RMND5B: variants seen among roughly 807,000 people sequenced by gnomAD.
RMND5B encodes required for meiotic nuclear division 5 homolog B.
In RMND5B, 42 loss-of-function variants were observed where a neutral mutation model predicts 50.4. The ratio of observed to expected loss-of-function variants is 0.83; its 90% CI spans 0.65 to 1.08. The LOEUF (loss-of-function observed/expected upper bound fraction) is 1.08. RMND5B is among the 50% of genes least tolerant of loss of function. The pLI, the probability that RMND5B is intolerant of heterozygous loss-of-function variation, is 0.00. For missense variants in RMND5B, 463 were observed against 508.5 expected (o/e 0.91, Z 0.86); for synonymous variants, 220 against 210.0 (o/e 1.05, Z -0.41).
In RMND5B at chr5:178,143,817, A is replaced by C. The variant is rs999489123; in HGVS notation, c.527+90A>C. On this transcript the variant is annotated intron_variant, in intron 6 of 10. Coordinates refer to ENST00000313386, the MANE Select transcript of RMND5B (RefSeq NM_022762.5). Reference sequence around the variant, plus strand: ...TGTGGTCTTCATTTCACCCAGATGTACTTGACTTGCCTGCAGCCCTGTCTC... The same window carrying C: ...TGTGGTCTTCATTTCACCCAGATGTCCTTGACTTGCCTGCAGCCCTGTCTC... 5.5e-6 allele frequency: 8 copies of C among 1,453,566 alleles called. No individual in the cohort carries two copies. The African/African-American group carries it at 1.1e-4, about 20-fold the overall frequency. The allele number at this position is 1,453,566 out of a possible 1,614,324, so 90.0% of individuals were successfully genotyped here. A position where few individuals can be genotyped will look rare whatever the true frequency, so the allele number is the denominator to read the frequency against.
chr5:178,144,697 T>C (rs189875416), intron 7 of RMND5B, among the ~76,000 whole-genome samples: 3,026 of 136,016 alleles, frequency 0.022, 35 homozygotes, highest in Middle Eastern at 0.071. Context: ...CCAGCCTGGG[T>C]GACAGAGTGA....
At chr5:178,134,825 A>C (rs564829541) in intron 2 of RMND5B, among the ~76,000 whole-genome samples, 1 of 151,970 alleles carries the variant, frequency 6.6e-6, no homozygotes, top group African/African-American at 2.4e-5. Context: ...AAATGAAAAA[A>C]AAAAAAAGCC....
At chr5:178,133,860 C>T (rs942490595) in intron 2 of RMND5B, among the ~76,000 whole-genome samples, 4 of 152,110 alleles carry the variant, frequency 2.6e-5, no homozygotes, top group Non-Finnish European at 4.4e-5. Flanking sequence ...TACGGGTGCC[C>T]GCCACCACAC....
At chr5:178,147,238 C>G (rs1354749499) in intron 8 of RMND5B, 1 of 433,454 alleles carries the variant, frequency 2.3e-6, no homozygotes, top group Non-Finnish European at 4.2e-6. Flanking sequence ...GTTCCCTAGT[C>G]ACACCAAGGA....
At chr5:178,133,286 C>T (rs896897342) in intron 2 of RMND5B, among the ~76,000 whole-genome samples, 7 of 152,138 alleles carry the variant, frequency 4.6e-5, no homozygotes, top group Non-Finnish European at 8.8e-5. Flanking sequence ...CCATACATGC[C>T]TTTGTGGAGA....
At chr5:178,134,402 C>G (rs1433211094) in intron 2 of RMND5B, among the ~76,000 whole-genome samples, 1 of 152,170 alleles carries the variant, frequency 6.6e-6, no homozygotes, top group East Asian at 1.9e-4. Flanking sequence ...CAAAAGGTAA[C>G]AGGATCTGCT....
Position 178,147,519 on chromosome 5 carries a change from T to C in RMND5B, c.861-14T>C. 2 of 1,612,240 alleles carry C rather than the reference T, an allele frequency of 1.2e-6. No homozygotes were observed. The highest frequency in any genetic ancestry group is 1.1e-5 in the South Asian group (1 of 90,874). ...GTGATCTGAGCCACTCTAGCCCCTG[T>C]TCCTTGTCTGCAGCTTTGCCTCTGG... On this transcript the variant is annotated splice_polypyrimidine_tract_variant and intron_variant, in intron 8 of 10. Coordinates refer to ENST00000313386, the MANE Select transcript of RMND5B (RefSeq NM_022762.5).
chr5:178,143,478 G>A, intron 5 of RMND5B, 149 bp from the exon 6 acceptor site: 1 of 658,706 alleles, frequency 1.5e-6, no homozygotes, highest in East Asian at 2.7e-5. Context: ...AACAAGAGAG[G>A]CCCAAGTGGC....
chr5:178,143,022 C>A, intron 5 of RMND5B, 30 bp downstream of exon 5: 1 of 1,589,076 alleles, frequency 6.3e-7, no homozygotes, highest in Non-Finnish European at 8.6e-7. Flanking sequence ...GCGCAACAAC[C>A]TGCCTGCTCT....
chr5:178,147,407 G>T, intron 8 of RMND5B, 126 bp from the exon 9 acceptor site: 1 of 664,650 alleles, frequency 1.5e-6, no homozygotes. Flanking sequence ...GGATCTTTGA[G>T]GACCGATTTG....
chr5:178,140,448 G>A (rs1258219083), intron 3 of RMND5B, among the ~76,000 whole-genome samples: 1 of 151,960 alleles, frequency 6.6e-6, no homozygotes, highest in East Asian at 1.9e-4. Flanking sequence ...AAAGTGCTGG[G>A]ATTATGATCC....
At position 178,138,212 on chromosome 5, in the gene RMND5B, G is replaced by A. The variant is rs1230720294; in HGVS notation, c.93G>A (p.Glu31=). 1 of 1,614,000 alleles carries A rather than the reference G, an allele frequency of 6.2e-7. No homozygotes were observed. ...AGCACTGTGAGCGGAGCCTGGAGGA[G>A]CTGCTGCACTACGTGGGCCAGCTGC... The part of the protein sequence containing the change: ...YGQHCERSLE[E]LLHYVGQLRA... The change falls in exon 3 of 11, where the codon GAG becomes GAA. Residue 31 remains glutamate, a synonymous_variant. Transcript: ENST00000313386. The surrounding 1 kb of genome is among the most constrained non-coding windows in gnomAD (Gnocchi z 5.1).
intron 5 of RMND5B, 38 bp downstream of exon 5, chr5:178,143,030 T>C (rs1561636526): frequency 1.3e-6 from 2 of 1,586,828 alleles, no homozygotes; most frequent in South Asian, 1.2e-5. Context: ...ACCTGCCTGC[T>C]CTGCCTTTCA....
intron 7 of RMND5B, among the ~76,000 whole-genome samples, chr5:178,144,761 C>T (rs1023635684): frequency 2.7e-5 from 4 of 149,230 alleles, no homozygotes; most frequent in Admixed American, 6.7e-5. Context: ...TGGCTCATGC[C>T]TGTAATTGCA....
At chr5:178,135,252 C>T (rs550862961) in intron 2 of RMND5B, 50 of 238,626 alleles carry the variant, frequency 2.1e-4, no homozygotes, top group Non-Finnish European at 3.6e-4. Flanking sequence ...CTCAAGCAGT[C>T]CTCCGTCCCA....
intron 8 of RMND5B, 71 bp from the exon 9 acceptor site, chr5:178,147,462 C>A: frequency 8.2e-7 from 1 of 1,219,628 alleles, no homozygotes; most frequent in Non-Finnish European, 1.2e-6. Context: ...CATGCTGAAG[C>A]ATGGCGCGCT....
Position 178,149,977 on chromosome 5 carries a change from G to T in RMND5B, c.*1945G>T. 1 of 914,066 alleles carries T rather than the reference G, an allele frequency of 1.1e-6. No individual in the cohort carries two copies. The highest frequency in any genetic ancestry group is 1.7e-6 in the Non-Finnish European group (1 of 602,864). The allele number at this position is 914,066 out of a possible 1,614,324, so 56.6% of individuals were successfully genotyped here. A position where few individuals can be genotyped will look rare whatever the true frequency, so the allele number is the denominator to read the frequency against. ...TCCATGTTCTATTTAAAAGCATCTTGAATTGGTTGCCATCATTTAAACTCA... is the reference window on the plus strand; with the variant it reads ...TCCATGTTCTATTTAAAAGCATCTTTAATTGGTTGCCATCATTTAAACTCA... On this transcript the variant is annotated 3_prime_UTR_variant, in exon 11 of 11. Transcript: ENST00000313386.
intron 8 of RMND5B, 52 bp from the exon 9 acceptor site, chr5:178,147,481 T>A (rs1438501475): frequency 6.7e-7 from 1 of 1,496,718 alleles, no homozygotes; most frequent in East Asian, 2.3e-5. Flanking sequence ...CTGGCCCTTT[T>A]TGCCTGTCTG....
Position 178,143,992 on chromosome 5 carries a change from A to G in RMND5B, c.578A>G (p.Glu193Gly). Residue 193 changes from glutamate to glycine, a missense_variant, in exon 7 of 11, where the codon GAG (glutamate) becomes GGG (glycine). Transcript: ENST00000313386. ...CTGCTGGAACTCAACAGCTCCCTGG[A>G]GTTCAAGCTGCACCGACTGCACTTC... Reference protein sequence around the residue: ...QRLLELNSSLEFKLHRLHFIR... With the variant: ...QRLLELNSSLGFKLHRLHFIR... The G allele has an allele frequency of 6.2e-7, 1 of 1,614,232 alleles. No individual in the cohort carries two copies. Among genetic ancestry groups the G allele is most frequent in the Admixed American group, 1.7e-5 (1 of 60,022 alleles).
Sources: gnomAD v4.1 joint callset for allele counts (sites outside exome capture counted in the v4.1 genomes callset) on GRCh38, gnomAD v4.1.1 for gene constraint, Gnocchi (gnomAD v3.1) non-coding constraint, MANE v1.5 for transcripts, NCBI Gene and HGNC (gene_info 2026-07-23, HGNC 2026-07-21) for gene names.